The following CCSER2 variants were observed in gnomAD, a reference collection of about 807,000 sequenced individuals.
CCSER2 encodes serine-rich coiled-coil domain-containing protein 2.
CCSER2 carries 46 observed loss-of-function variants against 92.3 expected under a neutral mutation model. That is an observed-to-expected ratio of 0.50 (90% CI 0.39 to 0.64). CCSER2 has a LOEUF of 0.64. Ranked by LOEUF, CCSER2 falls within the 30% of genes least tolerant of loss-of-function variation. The pLI, the probability that CCSER2 is intolerant of heterozygous loss-of-function variation, is 0.00. For missense variants in CCSER2, 1,244 were observed against 1,238.9 expected (o/e 1.00, Z -0.06); for synonymous variants, 433 against 431.4 (o/e 1.00, Z -0.04).
intron 5 of CCSER2, among the ~76,000 whole-genome samples, chr10:84,426,722 A>G (rs1471213045): frequency 6.6e-6 from 1 of 152,202 alleles, no homozygotes; most frequent in South Asian, 2.1e-4. Context: ...GAAGAAAAAC[A>G]TGGTGTTGTG....
At chr10:84,387,933 G>A (rs1841313341) in intron 3 of CCSER2, among the ~76,000 whole-genome samples, 1 of 149,896 alleles carries the variant, frequency 6.7e-6, no homozygotes, top group African/African-American at 2.5e-5. Context: ...GCACGATCTC[G>A]GCTCACAGCA....
intron 9 of CCSER2, among the ~76,000 whole-genome samples, chr10:84,512,711 A>G (rs889460376): frequency 3.9e-5 from 6 of 152,224 alleles, no homozygotes; most frequent in African/African-American, 1.4e-4. Context: ...ACTCTGAGCC[A>G]TCATTCAAAA....
intron 6 of CCSER2, among the ~76,000 whole-genome samples, chr10:84,454,289 G>A (rs1280072942): frequency 6.6e-6 from 1 of 152,016 alleles, no homozygotes; most frequent in Non-Finnish European, 1.5e-5. Context: ...CTTCTTATAA[G>A]GATATCCGCT....
chr10:84,436,675 A>T (rs1460496658), intron 5 of CCSER2, among the ~76,000 whole-genome samples: 1 of 149,882 alleles, frequency 6.7e-6, no homozygotes, highest in East Asian at 2.0e-4. Flanking sequence ...TCACTGCGGG[A>T]GGCAGGTGTG....
chr10:84,357,472 C>T lies in CCSER2; in HGVS notation c.-39-13542C>T, dbSNP rs558194436. Among the ~76,000 whole-genome samples, 24 of 136,582 alleles carry T rather than the reference C, an allele frequency of 1.8e-4. No homozygotes were observed. In the East Asian group the frequency reaches 3.0e-3, roughly 17 times the overall value. 89.6% of individuals were successfully genotyped at this position (136,582 alleles called of 152,430 possible). ...TTGTGTTTTTTTTTTTTTTTTGAGA[C>T]GGAGTCTCTCTCTGTCACCCTGGCT... is the stretch of plus-strand genomic sequence containing the variant. On this transcript the variant is annotated intron_variant, in intron 1 of 9. Coordinates refer to ENST00000372088, the MANE Select transcript of CCSER2 (RefSeq NM_001284240.2).
intron 1 of CCSER2, among the ~76,000 whole-genome samples, chr10:84,369,120 G>T (rs957505057): frequency 2.0e-5 from 3 of 149,288 alleles, no homozygotes; most frequent in African/African-American, 7.4e-5. Context: ...TGTGAATTTT[G>T]CTGTGATAAA....
chr10:84,334,538 A>G (rs939106871), intron 1 of CCSER2, among the ~76,000 whole-genome samples: 1 of 152,182 alleles, frequency 6.6e-6, no homozygotes. Context: ...TTGGGAAGCC[A>G]GAGGATTCTT....
At chr10:84,485,784 T>G (rs1847770835) in intron 9 of CCSER2, among the ~76,000 whole-genome samples, 1 of 152,224 alleles carries the variant, frequency 6.6e-6, no homozygotes, top group South Asian at 2.1e-4. Flanking sequence ...AGGATACATG[T>G]GCACAACGTG....
chr10:84,366,920 A>G (rs1279000255), intron 1 of CCSER2, among the ~76,000 whole-genome samples: 6 of 152,192 alleles, frequency 3.9e-5, no homozygotes. Flanking sequence ...AGAAATGATG[A>G]GCATAAGAAC....
intron 1 of CCSER2, among the ~76,000 whole-genome samples, chr10:84,343,074 T>C (rs1030858458): frequency 1.3e-5 from 2 of 152,188 alleles, no homozygotes. Flanking sequence ...GGGTTTACCA[T>C]GTTGGCCAGG....
intron 1 of CCSER2, among the ~76,000 whole-genome samples, chr10:84,331,213 GTT>G (rs1261478105): frequency 6.6e-6 from 1 of 152,150 alleles, no homozygotes; most frequent in East Asian, 1.9e-4. Context: ...ATCATTGTGT[GTT>G]TTTCACTACT....
At chr10:84,466,536 G>A (rs1009782397) in intron 7 of CCSER2, among the ~76,000 whole-genome samples, 9 of 143,588 alleles carry the variant, frequency 6.3e-5, no homozygotes, top group African/African-American at 2.1e-4. Flanking sequence ...ACAAAGTCTC[G>A]CTCTGTTGCC....
At chr10:84,511,115 A>G (rs181885393) in intron 9 of CCSER2, among the ~76,000 whole-genome samples, 49 of 152,332 alleles carry the variant, frequency 3.2e-4, no homozygotes, top group African/African-American at 1.1e-3. Flanking sequence ...TCTAACTTGT[A>G]GTTTAGACAT....
chr10:84,435,307 G>A (rs1844039414), intron 5 of CCSER2, among the ~76,000 whole-genome samples: 1 of 152,130 alleles, frequency 6.6e-6, no homozygotes, highest in African/African-American at 2.4e-5. Context: ...GTTTCAGTTA[G>A]TGAACAAGAC....
In CCSER2 at chr10:84,458,942, C is replaced by T. The variant is rs575319832; in HGVS notation, c.2065-4991C>T. Among the ~76,000 whole-genome samples the T allele has an allele frequency of 8.5e-5, 13 of 152,070 alleles. No individual in the cohort carries two copies. In the South Asian group the frequency reaches 2.5e-3, roughly 29 times the overall value. On this transcript the variant is annotated intron_variant, in intron 6 of 9. Transcript: ENST00000372088. The stretch of plus-strand genomic sequence containing the variant: ...ATTCAATTTTCAGTTGTTTGCCATA[C>T]ACAGTTGATTTTTGTATATTGACCT...
intron 6 of CCSER2, among the ~76,000 whole-genome samples, chr10:84,459,297 T>G (rs781485322): frequency 1.3e-5 from 2 of 152,168 alleles, no homozygotes; most frequent in African/African-American, 4.8e-5. Context: ...TATAGATACT[T>G]AAGGGACTTT....
rs1564606817 is a variant in CCSER2, at chr10:84,371,472, A to G, written c.420A>G (p.Gln140=). 6.2e-7 allele frequency: 1 copy of G among 1,613,942 alleles called. No homozygotes were observed. The highest frequency in any genetic ancestry group is 1.7e-5 in the Admixed American group (1 of 59,974). The change falls in exon 2 of 10, where the codon CAA becomes CAG. Residue 140 remains glutamine (Q), a synonymous_variant. Coordinates refer to ENST00000372088, the MANE Select transcript of CCSER2 (RefSeq NM_001284240.2). ...TGTCATCTACAGAGGAGTTAAACCAAAAGTCTTTTTCTGGACCATCTAATT... is the reference window on the plus strand; with the variant it reads ...TGTCATCTACAGAGGAGTTAAACCAGAAGTCTTTTTCTGGACCATCTAATT... ...MFVSSTEELN[Q]KSFSGPSNLG...
chr10:84,390,783 TATACTATTAATA>T (rs2133257489), intron 3 of CCSER2: 5 of 455,868 alleles, frequency 1.1e-5, no homozygotes, highest in South Asian at 9.6e-5. Flanking sequence ...CTGAAACCTC[TATACTATTAATA>T]CATGGATTAT....
chr10:84,480,248 C>A (rs906398667), intron 9 of CCSER2, among the ~76,000 whole-genome samples: 4 of 151,996 alleles, frequency 2.6e-5, no homozygotes, highest in Non-Finnish European at 5.9e-5. Flanking sequence ...GTCTCACACT[C>A]CTGGGCTCAG....
Sources: gnomAD v4.1 joint callset for allele counts (sites outside exome capture counted in the v4.1 genomes callset) on GRCh38, gnomAD v4.1.1 for gene constraint, MANE v1.5 for transcripts, NCBI Gene and HGNC (gene_info 2026-07-23, HGNC 2026-07-21) for gene names.